The following SCHIP1 variants were observed in gnomAD, a reference collection of about 807,000 sequenced individuals.
SCHIP1 encodes schwannomin-interacting protein 1.
A neutral mutation model predicts 29.7 loss-of-function variants in SCHIP1; 8 were observed. The ratio of observed to expected loss-of-function variants is 0.27; its 90% CI spans 0.16 to 0.49. The LOEUF is 0.49. SCHIP1 is among the 20% of genes least tolerant of loss of function. The probability of loss-of-function intolerance (pLI) is 0.99; values close to 1 mark genes in which losing one functional copy is unlikely to be tolerated. For missense variants in SCHIP1, 193 were observed against 294.6 expected (o/e 0.66, Z 2.52); for synonymous variants, 76 against 94.9 (o/e 0.80, Z 1.16).
the SCHIP1 span, among the ~76,000 whole-genome samples, chr3:159,435,152 C>T: frequency 6.6e-6 from 1 of 152,142 alleles, no homozygotes; most frequent in East Asian, 1.9e-4. Context: ...TGACAAGTCA[C>T]ATGTCTTCTC....
the SCHIP1 span, among the ~76,000 whole-genome samples, chr3:159,370,408 G>A: frequency 6.6e-6 from 1 of 152,144 alleles, no homozygotes; most frequent in Admixed American, 6.5e-5. Flanking sequence ...CATTTCTTAT[G>A]CCCTTTCCAG....
At chr3:159,698,035 T>C in the SCHIP1 span, among the ~76,000 whole-genome samples, 1 of 152,248 alleles carries the variant, frequency 6.6e-6, no homozygotes, top group East Asian at 1.9e-4. Context: ...ACACATCTGC[T>C]TTCAGCAACA....
At chr3:159,311,378 T>C in the SCHIP1 span, among the ~76,000 whole-genome samples, 1 of 152,176 alleles carries the variant, frequency 6.6e-6, no homozygotes, top group Non-Finnish European at 1.5e-5. Flanking sequence ...AGGGAGTTAA[T>C]TTTTATGCAT....
At chr3:159,710,798 CT>C in the SCHIP1 span, among the ~76,000 whole-genome samples, 3 of 151,924 alleles carry the variant, frequency 2.0e-5, no homozygotes, top group Non-Finnish European at 1.5e-5. Flanking sequence ...ATGAATAAAT[CT>C]GCTAAAGAGA....
the SCHIP1 span, among the ~76,000 whole-genome samples, chr3:159,645,515 C>A: frequency 6.6e-6 from 1 of 152,142 alleles, no homozygotes; most frequent in Non-Finnish European, 1.5e-5. Flanking sequence ...CTGCTTGCAA[C>A]CTTCAGAATG....
intron 1 of SCHIP1, chr3:159,840,298 C>A: frequency 8.1e-7 from 1 of 1,233,004 alleles, no homozygotes; most frequent in Non-Finnish European, 1.1e-6. Flanking sequence ...TGCCTCTTTC[C>A]GGATATTCAG....
chr3:159,543,652 A>G, the SCHIP1 span, among the ~76,000 whole-genome samples: 1 of 151,658 alleles, frequency 6.6e-6, no homozygotes, highest in Non-Finnish European at 1.5e-5. Context: ...AGTCTTCGCT[A>G]TTGTGAATAG....
the SCHIP1 span, among the ~76,000 whole-genome samples, chr3:159,776,167 A>G: frequency 4.6e-5 from 7 of 152,196 alleles, no homozygotes; most frequent in Admixed American, 2.6e-4. Context: ...TTCAGAACCA[A>G]TTCAGTCTCC....
chr3:159,377,139 T>C, the SCHIP1 span, among the ~76,000 whole-genome samples: 4 of 152,162 alleles, frequency 2.6e-5, no homozygotes, highest in South Asian at 2.1e-4. Context: ...ACCGTTCAGC[T>C]AGATTGTGGA....
At chr3:159,860,090 C>T (rs1713874018) in intron 1 of SCHIP1, among the ~76,000 whole-genome samples, 1 of 152,070 alleles carries the variant, frequency 6.6e-6, no homozygotes, top group African/African-American at 2.4e-5. Flanking sequence ...TCTCAGCAAC[C>T]CCTGGCATCC....
At chr3:159,855,246 C>T (rs1713215534) in intron 1 of SCHIP1, among the ~76,000 whole-genome samples, 1 of 152,130 alleles carries the variant, frequency 6.6e-6, no homozygotes, top group African/African-American at 2.4e-5. Flanking sequence ...ATTATGAAGA[C>T]TTCATTATAA....
the SCHIP1 span, among the ~76,000 whole-genome samples, chr3:159,691,303 T>C: frequency 6.6e-6 from 1 of 152,310 alleles, no homozygotes; most frequent in South Asian, 2.1e-4. Flanking sequence ...TTAGGATAGT[T>C]AGCTCTTCTT....
At chr3:159,782,784 G>A in the SCHIP1 span, among the ~76,000 whole-genome samples, 1 of 152,226 alleles carries the variant, frequency 6.6e-6, no homozygotes, top group Non-Finnish European at 1.5e-5. Flanking sequence ...CAAGCTAGCT[G>A]CTCCTTGTAA....
the SCHIP1 span, among the ~76,000 whole-genome samples, chr3:159,724,561 C>A: frequency 6.6e-6 from 1 of 152,200 alleles, no homozygotes; most frequent in East Asian, 1.9e-4. Flanking sequence ...CCTGAGAAAT[C>A]TTTACCCACC....
chr3:159,368,155 C>A, the SCHIP1 span, among the ~76,000 whole-genome samples: 30 of 152,300 alleles, frequency 2.0e-4, no homozygotes, highest in African/African-American at 7.0e-4. Context: ...ACAATTATTG[C>A]CATTAAGTAC....
chr3:159,452,989 G>A, the SCHIP1 span, among the ~76,000 whole-genome samples: 2 of 152,164 alleles, frequency 1.3e-5, no homozygotes, highest in Non-Finnish European at 2.9e-5. Flanking sequence ...CATGCCACAT[G>A]GAGCTGGCTT....
At chr3:159,427,901 A>C in the SCHIP1 span, among the ~76,000 whole-genome samples, 1 of 151,790 alleles carries the variant, frequency 6.6e-6, no homozygotes, top group Non-Finnish European at 1.5e-5. Context: ...CATATCTACA[A>C]CTATCTGATC....
At chr3:159,384,242 G>A in the SCHIP1 span, among the ~76,000 whole-genome samples, 1 of 150,706 alleles carries the variant, frequency 6.6e-6, no homozygotes, top group Non-Finnish European at 1.5e-5. Flanking sequence ...ATTGGCTGTG[G>A]GTTTGTCATA....
intron 1 of SCHIP1, among the ~76,000 whole-genome samples, chr3:159,856,943 G>A (rs946682137): frequency 4.6e-5 from 7 of 152,138 alleles, no homozygotes; most frequent in African/African-American, 1.2e-4. Flanking sequence ...AAAAACAGCC[G>A]TCGACCTCCA....
Sources: allele counts gnomAD v4.1 joint callset (sites outside exome capture counted in the v4.1 genomes callset), GRCh38; gene constraint gnomAD v4.1.1; transcripts MANE v1.5; gene names NCBI Gene and HGNC (gene_info 2026-07-23, HGNC 2026-07-21).